Variants in PHYHD1 observed in about 807,000 individuals in gnomAD.
PHYHD1 encodes phytanoyl-CoA dioxygenase domain-containing protein 1.
In PHYHD1, 42 loss-of-function variants were observed where a neutral mutation model predicts 43.6. That is an observed-to-expected ratio of 0.96 (90% CI 0.75 to 1.25). The LOEUF (loss-of-function observed/expected upper bound fraction) is 1.25, where lower values mean the gene tolerates loss of function less well. Among genes scored for constraint, PHYHD1 ranks in the 50% most tolerant of loss-of-function variants. The pLI, the probability that PHYHD1 is intolerant of heterozygous loss-of-function variation, is 0.00. For missense variants in PHYHD1, 342 were observed against 370.8 expected (o/e 0.92, Z 0.64); for synonymous variants, 139 against 143.6 (o/e 0.97, Z 0.23).
chr9:128,936,790 C>A, intron 8 of PHYHD1, 145 bp downstream of exon 8: 2 of 990,008 alleles, frequency 2.0e-6, no homozygotes, highest in East Asian at 2.6e-5. Flanking sequence ...CTGGCTAAAG[C>A]ACCTGGAACT....
Position 128,926,837 on chromosome 9 carries a change from C to T in PHYHD1, c.34-201C>T, listed in dbSNP as rs927543431. On this transcript the variant is annotated intron_variant, in intron 3 of 12. Coordinates refer to ENST00000372592, the MANE Select transcript of PHYHD1 (RefSeq NM_001100876.2). ...GGGATTAGAGGCATGAGCCACTGCA[C>T]CCGGCCTCACTACTTGTTCTTCCAT... is the stretch of plus-strand genomic sequence containing the variant. 1.4e-5 allele frequency: 10 copies of T among 713,030 alleles called. No homozygotes were observed. The Admixed American group carries it at 1.6e-4, about 12-fold the overall frequency. 44.2% of individuals were successfully genotyped at this position (713,030 alleles called of 1,614,324 possible).
At chr9:128,922,379 C>T in intron 3 of PHYHD1, 23 bp downstream of exon 3, 1 of 1,547,462 alleles carries the variant, frequency 6.5e-7, no homozygotes, top group South Asian at 1.2e-5. Context: ...AAGTCGGGGC[C>T]GGGAGGGTCA....
chr9:128,923,684 C>T (rs781067814), intron 3 of PHYHD1, among the ~76,000 whole-genome samples: 3 of 152,152 alleles, frequency 2.0e-5, no homozygotes, highest in South Asian at 2.1e-4. Context: ...TCCCCTATTG[C>T]GTAATCCTCC....
intron 4 of PHYHD1, among the ~76,000 whole-genome samples, chr9:128,928,712 AC>A (rs1564539302): frequency 6.6e-6 from 1 of 152,056 alleles, no homozygotes; most frequent in East Asian, 1.9e-4. Context: ...TCAAAAAAAA[AC>A]AAAAACAAAA....
In PHYHD1 at chr9:128,925,506, G is replaced by A. The variant is rs574476950; in HGVS notation, c.34-1532G>A. Among the ~76,000 whole-genome samples, 71 of 152,174 alleles carry A rather than the reference G, an allele frequency of 4.7e-4. 3 individuals carry two copies. In the South Asian group the frequency reaches 0.014, roughly 31 times the overall value. ...TTCCCAAACTGTTGGGATTATAGGT[G>A]TGAGCCACCATGCCCAGCAGTAGGT... On this transcript the variant is annotated intron_variant, in intron 3 of 12. Transcript: ENST00000372592.
chr9:128,926,814 G>A (rs1469216540), intron 3 of PHYHD1: 1 of 643,330 alleles, frequency 1.6e-6, no homozygotes, highest in Non-Finnish European at 2.9e-6. Flanking sequence ...AAAGTGCTGG[G>A]ATTAGAGGCA....
At chr9:128,932,175 A>ATTTTT (rs1164525938) in intron 4 of PHYHD1, among the ~76,000 whole-genome samples, 11 of 107,116 alleles carry the variant, frequency 1.0e-4, no homozygotes, top group African/African-American at 1.8e-4. Flanking sequence ...TATTGTTATT[A>ATTTTT]TTATTATTAT....
chr9:128,939,804 G>A (rs1163832811), intron 9 of PHYHD1, among the ~76,000 whole-genome samples: 1 of 117,724 alleles, frequency 8.5e-6, no homozygotes, highest in Non-Finnish European at 2.0e-5. Flanking sequence ...ACAGGCGCCT[G>A]CCACCACACA....
chr9:128,941,611 G>C, intron 12 of PHYHD1, 40 bp downstream of exon 12: 1 of 1,614,178 alleles, frequency 6.2e-7, no homozygotes, highest in Non-Finnish European at 8.5e-7. Context: ...ACAGTCCCCT[G>C]GAGGCTGGGA....
chr9:128,926,185 C>G (rs932874378), intron 3 of PHYHD1, among the ~76,000 whole-genome samples: 14 of 152,170 alleles, frequency 9.2e-5, no homozygotes, highest in Non-Finnish European at 4.4e-5. Flanking sequence ...CCAGGTGACC[C>G]AAGCCTGGAG....
chr9:128,922,435 C>A, intron 3 of PHYHD1, 79 bp downstream of exon 3: 2 of 1,482,880 alleles, frequency 1.3e-6, no homozygotes, highest in Non-Finnish European at 1.8e-6. Context: ...CAGTGCCCAA[C>A]CCACCCCCTG....
intron 3 of PHYHD1, among the ~76,000 whole-genome samples, chr9:128,924,665 T>C (rs1050395223): frequency 6.7e-6 from 1 of 149,662 alleles, no homozygotes; most frequent in Admixed American, 6.7e-5. Context: ...CTGGGTGCGG[T>C]GGCTCATGCC....
intron 3 of PHYHD1, 107 bp downstream of exon 3, chr9:128,922,463 C>T (rs1391212662): frequency 2.2e-6 from 3 of 1,383,044 alleles, no homozygotes; most frequent in South Asian, 1.4e-5. Flanking sequence ...TTACCGAGGA[C>T]GAAACTGAAG....
At chr9:128,932,619 GGCCTCCC>G (rs1564540607) in intron 4 of PHYHD1, among the ~76,000 whole-genome samples, 2 of 150,764 alleles carry the variant, frequency 1.3e-5, no homozygotes, top group Non-Finnish European at 3.0e-5. Context: ...TGCCCTCCTT[GGCCTCCC>G]AAAGTGCTGG....
At chr9:128,926,896 T>C (rs1251881105) in intron 3 of PHYHD1, 142 bp from the exon 4 acceptor site, 1 of 1,108,346 alleles carries the variant, frequency 9.0e-7, no homozygotes, top group Non-Finnish European at 1.4e-6. Context: ...CTTTGCTGGG[T>C]GCCAGACTCC....
chr9:128,936,330 T>G, intron 6 of PHYHD1, 118 bp from the exon 7 acceptor site: 1 of 1,379,196 alleles, frequency 7.3e-7, no homozygotes. Context: ...AGCAGAAGGG[T>G]TAATGCCTAC....
At chr9:128,932,140 A>C (rs1841296831) in intron 4 of PHYHD1, among the ~76,000 whole-genome samples, 1 of 148,074 alleles carries the variant, frequency 6.8e-6, no homozygotes, top group African/African-American at 2.5e-5. Flanking sequence ...CGGCCTGGGG[A>C]AGTCAGTTCT....
chr9:128,940,968 A>T (rs2131121425), intron 11 of PHYHD1, among the ~76,000 whole-genome samples: 1 of 152,310 alleles, frequency 6.6e-6, no homozygotes, highest in South Asian at 2.1e-4. Flanking sequence ...TGACTCCCTG[A>T]GCCTTAATTT....
In PHYHD1 at chr9:128,921,592, C is replaced by G. The variant is rs1426580986; in HGVS notation, c.-236C>G. The G allele has an allele frequency of 6.6e-6, 1 of 152,418 alleles. No individual in the cohort carries two copies. The highest frequency in any genetic ancestry group is 1.9e-4 in the East Asian group (1 of 5,200). The allele number at this position is 152,418 out of a possible 1,614,324, so 9.4% of individuals were successfully genotyped here. ...GATTACAGGCCCGAGCCGCCGCACCCGGCCTGCAGGTGTTGTTCTGACCCC... is the reference window on the plus strand; with the variant it reads ...GATTACAGGCCCGAGCCGCCGCACCGGGCCTGCAGGTGTTGTTCTGACCCC... On this transcript the variant is annotated 5_prime_UTR_variant, in exon 1 of 13. Transcript: ENST00000372592.
Sources: gnomAD v4.1 joint callset for allele counts (sites outside exome capture counted in the v4.1 genomes callset) on GRCh38, gnomAD v4.1.1 for gene constraint, MANE v1.5 for transcripts, NCBI Gene and HGNC (gene_info 2026-07-23, HGNC 2026-07-21) for gene names.